The following LYRM4 variants were observed in gnomAD, a reference collection of about 807,000 sequenced individuals.
LYRM4 encodes the protein LYR motif containing 4.
A neutral mutation model predicts 11.7 loss-of-function variants in LYRM4; 9 were observed. The ratio of observed to expected loss-of-function variants is 0.77; its 90% CI spans 0.46 to 1.34. The LOEUF (loss-of-function observed/expected upper bound fraction) is 1.34. LYRM4 is among the 40% of genes most tolerant of loss of function. LYRM4 has a pLI of 0.00. For synonymous variants in LYRM4, 42 were observed against 40.4 expected, an observed-to-expected ratio of 1.04 and a Z score of -0.15; for missense variants, 133 against 112.5, an observed-to-expected ratio of 1.18 and a Z score of -0.82.
At position 5,170,549 on chromosome 6, in the gene LYRM4, G is replaced by A. The variant is rs373680396; in HGVS notation, c.207+46069C>T. 2.8e-4 allele frequency among the ~76,000 whole-genome samples: 42 copies of A among 152,220 alleles called. No homozygotes were observed. In the South Asian group the frequency reaches 7.9e-3, roughly 29 times the overall value. The stretch of plus-strand genomic sequence containing the variant: ...GGAGTCTCGCTCTGTTGCCCAGACT[G>A]GAGTGCAGTGGCGCGATCTCGGCTC... On this transcript the variant is annotated intron_variant, in intron 2 of 2. Coordinates refer to ENST00000330636, the MANE Select transcript of LYRM4 (RefSeq NM_020408.6).
intron 2 of LYRM4, among the ~76,000 whole-genome samples, chr6:5,115,364 G>A (rs778952686): frequency 8.5e-5 from 13 of 152,284 alleles, no homozygotes; most frequent in African/African-American, 3.1e-4. Context: ...TTATCATGCC[G>A]CAGAACAAAC....
the LYRM4 span, among the ~76,000 whole-genome samples, chr6:5,046,499 C>T: frequency 1.3e-5 from 2 of 152,146 alleles, no homozygotes; most frequent in African/African-American, 2.4e-5. Flanking sequence ...GAGTCTCTCG[C>T]GTGGCTGCCG....
At chr6:5,154,416 A>G (rs1169196883) in intron 2 of LYRM4, among the ~76,000 whole-genome samples, 1 of 147,576 alleles carries the variant, frequency 6.8e-6, no homozygotes, top group Non-Finnish European at 1.5e-5. Context: ...AGGAGGTTGC[A>G]AAGGGCATCA....
At chr6:5,130,497 C>G (rs879729764) in intron 2 of LYRM4, among the ~76,000 whole-genome samples, 1 of 152,226 alleles carries the variant, frequency 6.6e-6, no homozygotes, top group Non-Finnish European at 1.5e-5. Flanking sequence ...ACCTGCAGAA[C>G]TGTAGGCACA....
At chr6:5,050,345 A>G in the LYRM4 span, among the ~76,000 whole-genome samples, 28 of 152,228 alleles carry the variant, frequency 1.8e-4, 1 homozygote, top group Admixed American at 7.9e-4. Context: ...TAAGGACCCT[A>G]TCCTCCAAAT....
the LYRM4 span, among the ~76,000 whole-genome samples, chr6:5,084,352 G>A: frequency 6.6e-6 from 1 of 152,302 alleles, no homozygotes; most frequent in African/African-American, 2.4e-5. Flanking sequence ...GGAGCAGCAG[G>A]GCGGTGACAG....
chr6:5,179,292 T>A (rs1361479493), intron 2 of LYRM4, among the ~76,000 whole-genome samples: 1 of 152,178 alleles, frequency 6.6e-6, no homozygotes, highest in African/African-American at 2.4e-5. Flanking sequence ...TTATGTGTAA[T>A]TTCAGTGGCA....
chr6:5,094,351 G>A, the LYRM4 span, among the ~76,000 whole-genome samples: 1 of 152,094 alleles, frequency 6.6e-6, no homozygotes, highest in Non-Finnish European at 1.5e-5. Flanking sequence ...AGGCCTGATG[G>A]CACACACCCG....
the LYRM4 span, chr6:5,066,993 C>A: frequency 1.2e-6 from 1 of 830,188 alleles, no homozygotes; most frequent in Non-Finnish European, 1.7e-6. Context: ...GTCTTTGTCT[C>A]TCAGGCCCGC....
intron 1 of LYRM4, among the ~76,000 whole-genome samples, chr6:5,232,821 T>C (rs1391280340): frequency 6.6e-6 from 1 of 152,214 alleles, no homozygotes; most frequent in Non-Finnish European, 1.5e-5. Flanking sequence ...AAGAAGGTAT[T>C]TGGCCTCAGT....
chr6:5,260,183 C>G (rs1764940142), intron 1 of LYRM4, among the ~76,000 whole-genome samples: 1 of 152,166 alleles, frequency 6.6e-6, no homozygotes, highest in Non-Finnish European at 1.5e-5. Context: ...CATTACGACA[C>G]CTAGGAAATT....
chr6:5,056,502 A>C, the LYRM4 span, among the ~76,000 whole-genome samples: 1 of 152,156 alleles, frequency 6.6e-6, no homozygotes, highest in Non-Finnish European at 1.5e-5. Flanking sequence ...TCTTTTACCT[A>C]TGCATAGTCT....
At chr6:5,093,062 A>AAAATAACTT in the LYRM4 span, among the ~76,000 whole-genome samples, 1 of 152,224 alleles carries the variant, frequency 6.6e-6, no homozygotes, top group African/African-American at 2.4e-5. Context: ...CTTTGGAAAT[A>AAAATAACTT]AAATAACTTA....
intron 1 of LYRM4, among the ~76,000 whole-genome samples, chr6:5,233,796 G>A (rs998667862): frequency 2.0e-5 from 3 of 152,250 alleles, no homozygotes; most frequent in African/African-American, 7.2e-5. Flanking sequence ...AATCTGAGCT[G>A]TGTGAGTTCC....
intron 2 of LYRM4, among the ~76,000 whole-genome samples, chr6:5,157,346 C>T (rs145753333): frequency 9.2e-5 from 14 of 152,184 alleles, no homozygotes; most frequent in Admixed American, 2.0e-4. Context: ...ATGCAGTACT[C>T]TGATAATTGG....
intron 1 of LYRM4, among the ~76,000 whole-genome samples, chr6:5,238,953 A>G (rs990459685): frequency 5.3e-5 from 8 of 152,198 alleles, no homozygotes; most frequent in African/African-American, 1.4e-4. Flanking sequence ...TTAGCCTCTA[A>G]AGGAAGAATT....
chr6:5,254,238 C>G (rs1158036011), intron 1 of LYRM4, among the ~76,000 whole-genome samples: 1 of 152,190 alleles, frequency 6.6e-6, no homozygotes, highest in South Asian at 2.1e-4. Flanking sequence ...AACGAATTGG[C>G]CTCATCCGCC....
the LYRM4 span, chr6:5,086,012 A>C: frequency 6.6e-7 from 1 of 1,504,376 alleles, no homozygotes; most frequent in Non-Finnish European, 8.8e-7. Context: ...GACCTGGAGC[A>C]GCTCGGGGGG....
At chr6:5,086,150 G>A in the LYRM4 span, 1 of 1,516,044 alleles carries the variant, frequency 6.6e-7, no homozygotes, top group Non-Finnish European at 8.8e-7. Flanking sequence ...TGCCTGGAGC[G>A]CGTGCAGTGC....
Sources: allele counts gnomAD v4.1 joint callset (sites outside exome capture counted in the v4.1 genomes callset), GRCh38; gene constraint gnomAD v4.1.1; transcripts MANE v1.5; gene names NCBI Gene and HGNC (gene_info 2026-07-23, HGNC 2026-07-21).